The following MYRFL variants were observed in gnomAD, a reference collection of about 807,000 sequenced individuals.
The protein encoded by MYRFL is myelin regulatory factor-like protein.
Under a neutral mutation model 109.4 loss-of-function variants are expected in MYRFL, and 88 were observed. The ratio of observed to expected loss-of-function variants is 0.80; its 90% CI spans 0.68 to 0.96. The LOEUF (loss-of-function observed/expected upper bound fraction) is 0.96. Among genes scored for constraint, MYRFL ranks in the 40% least tolerant of loss-of-function variants. The pLI is 0.00. For missense variants in MYRFL, 957 were observed against 954.9 expected, an observed-to-expected ratio of 1.00 and a Z score of -0.03; for synonymous variants, 324 against 320.9, an observed-to-expected ratio of 1.01 and a Z score of -0.10.
rs1406322833 is a variant in MYRFL, at chr12:69,936,715, A to T, written c.2224+83A>T. The T allele has an allele frequency of 3.2e-6, 4 of 1,239,536 alleles. No homozygotes were observed. The Admixed American group carries it at 1.2e-4, about 39-fold the overall frequency. The allele number at this position is 1,239,536 out of a possible 1,614,324, so 76.8% of individuals were successfully genotyped here. A position where few individuals can be genotyped will look rare whatever the true frequency, so the allele number is the denominator to read the frequency against. On this transcript the variant is annotated intron_variant, in intron 19 of 24. Coordinates refer to ENST00000552032, the MANE Select transcript of MYRFL (RefSeq NM_182530.3). ...TCACAATTTACTTAGATGGTCATTA[A>T]TGGTTCCAGATAATGGTTCCATGCT...
intron 1 of MYRFL, among the ~76,000 whole-genome samples, chr12:69,853,313 C>G (rs1013240591): frequency 7.2e-5 from 11 of 152,056 alleles, no homozygotes; most frequent in South Asian, 2.1e-4. Flanking sequence ...TCCTCACTTC[C>G]CGGACGGGGT....
chr12:69,834,774 T>G (rs1231198761), intron 1 of MYRFL, among the ~76,000 whole-genome samples: 5 of 152,214 alleles, frequency 3.3e-5, no homozygotes, highest in Admixed American at 6.5e-5. Flanking sequence ...TTTATAATCA[T>G]AAAATCCATT....
intron 19 of MYRFL, among the ~76,000 whole-genome samples, chr12:69,943,237 C>T (rs1243721591): frequency 6.6e-6 from 1 of 151,268 alleles, no homozygotes; most frequent in Non-Finnish European, 1.5e-5. Flanking sequence ...TAATCCTAAG[C>T]CAAAAGAACA....
chr12:69,854,234 A>G (rs1351266351), intron 1 of MYRFL, among the ~76,000 whole-genome samples: 2 of 151,840 alleles, frequency 1.3e-5, no homozygotes, highest in Admixed American at 1.3e-4. Context: ...AATCTCAGGC[A>G]CTCGGCAGGC....
chr12:69,934,590 A>G lies in MYRFL; in HGVS notation c.1917-1523A>G, dbSNP rs560092059. ...CAGCGTCTGAGAAGAATGAGGTCAC[A>G]CTGATGATTGATTGAAGAGTGATGA... On this transcript the variant is annotated intron_variant, in intron 16 of 24. Transcript: ENST00000552032. Among the ~76,000 whole-genome samples the G allele has an allele frequency of 3.3e-5, 5 of 152,274 alleles. No homozygotes were observed. In the East Asian group the frequency reaches 7.7e-4, roughly 24 times the overall value.
chr12:69,936,724 G>A, intron 19 of MYRFL, 92 bp downstream of exon 19: 2 of 1,179,952 alleles, frequency 1.7e-6, no homozygotes, highest in Non-Finnish European at 2.3e-6. Context: ...AATGGTTCCA[G>A]ATAATGGTTC....
chr12:69,880,290 C>T lies in MYRFL; in HGVS notation c.554C>T (p.Pro185Leu), dbSNP rs1030864191. ...CGAGTGTGGGCCTGCCACTGCAGAC[C>T]GAGTGAGCAAACCTGGGTGGGAACA... ...ECRVWACHCR[P>L]MTSRSRSSEV... The change falls in exon 5 of 25, where the codon CCG becomes CTG. Residue 185 changes from proline (P) to leucine (L), a missense_variant and splice_region_variant. Pro to Leu is a moderately conservative substitution (Grantham distance 98). Transcript: ENST00000552032. 1.7e-5 allele frequency: 12 copies of T among 702,332 alleles called. No homozygotes were observed. Among genetic ancestry groups the T allele is most frequent in the Non-Finnish European group, 2.1e-5 (8 of 384,696 alleles). 43.5% of individuals were successfully genotyped at this position (702,332 alleles called of 1,614,324 possible).
intron 19 of MYRFL, among the ~76,000 whole-genome samples, chr12:69,946,365 A>G (rs1955840685): frequency 6.6e-6 from 1 of 152,202 alleles, no homozygotes; most frequent in Non-Finnish European, 1.5e-5. Flanking sequence ...GAAAAATGGA[A>G]AGAATTCAAA....
At chr12:69,895,591 G>T in intron 9 of MYRFL, 110 bp downstream of exon 9, 1 of 720,740 alleles carries the variant, frequency 1.4e-6, no homozygotes, top group South Asian at 1.8e-5. Context: ...AGAACACAGG[G>T]CCTCTAAGCC....
At chr12:69,935,979 C>G in intron 16 of MYRFL, 134 bp from the exon 17 acceptor site, 4 of 1,055,828 alleles carry the variant, frequency 3.8e-6, no homozygotes, top group Non-Finnish European at 4.0e-6. Context: ...CAGCCGTGGC[C>G]ATCCCCTCCC....
intron 13 of MYRFL, among the ~76,000 whole-genome samples, chr12:69,919,412 A>T (rs955880609): frequency 6.6e-6 from 1 of 152,216 alleles, no homozygotes; most frequent in Non-Finnish European, 1.5e-5. Context: ...ATTGCACACA[A>T]TTTTAAACAC....
chr12:69,835,267 G>A (rs756616041), intron 1 of MYRFL, among the ~76,000 whole-genome samples: 4 of 152,164 alleles, frequency 2.6e-5, no homozygotes, highest in African/African-American at 7.2e-5. Context: ...CCTTGGCAGG[G>A]TTTGGGGAAG....
At chr12:69,861,908 C>T (rs1884700634) in intron 2 of MYRFL, among the ~76,000 whole-genome samples, 1 of 151,868 alleles carries the variant, frequency 6.6e-6, no homozygotes, top group Non-Finnish European at 1.5e-5. Flanking sequence ...TTTAATCCAT[C>T]TTGAATTAAT....
At chr12:69,844,784 CT>C (rs1883432555) in intron 1 of MYRFL, among the ~76,000 whole-genome samples, 1 of 152,138 alleles carries the variant, frequency 6.6e-6, no homozygotes, top group Non-Finnish European at 1.5e-5. Flanking sequence ...AGTGCTTGTT[CT>C]TTTGCTTGGC....
At chr12:69,908,339 A>G (rs1157684610) in intron 11 of MYRFL, among the ~76,000 whole-genome samples, 1 of 152,208 alleles carries the variant, frequency 6.6e-6, no homozygotes, top group African/African-American at 2.4e-5. Context: ...GCTATGAAGG[A>G]GAACTGGTGC....
chr12:69,890,380 T>C (rs1051428151), intron 6 of MYRFL, among the ~76,000 whole-genome samples: 2 of 152,108 alleles, frequency 1.3e-5, no homozygotes, highest in African/African-American at 4.8e-5. Context: ...AAATTAAAAG[T>C]CTAAAAAACA....
chr12:69,936,290 A>G lies in MYRFL; in HGVS notation c.1999A>G (p.Thr667Ala). Residue 667 changes from threonine to alanine, a missense_variant, in exon 18 of 25, where the codon ACA becomes GCA. Thr to Ala is a moderately conservative substitution (Grantham distance 58). Coordinates refer to ENST00000552032, the MANE Select transcript of MYRFL (RefSeq NM_182530.3). ...RVPNLPPSNI[T>A]SSQEPALLPT... ...TTCATTCTTTTTCTCCAGCAATATC[A>G]CAAGCTCACAGGAGCCAGCTCTGCT... 6.5e-7 allele frequency: 1 copy of G among 1,535,966 alleles called. No homozygotes were observed. Among genetic ancestry groups the G allele is most frequent in the Non-Finnish European group, 8.7e-7 (1 of 1,146,886 alleles).
chr12:69,854,465 C>T (rs1207225962), intron 1 of MYRFL, among the ~76,000 whole-genome samples: 1 of 151,534 alleles, frequency 6.6e-6, no homozygotes, highest in Non-Finnish European at 1.5e-5. Flanking sequence ...CTCACTGCAA[C>T]CTTTGCCTCC....
intron 5 of MYRFL, 34 bp from the exon 6 acceptor site, chr12:69,886,786 G>A (rs1381382392): frequency 3.1e-5 from 48 of 1,534,038 alleles, no homozygotes; most frequent in Non-Finnish European, 4.2e-5. Flanking sequence ...AAACAGCCTG[G>A]AAGGAAGGCT....
Sources: gnomAD v4.1 joint callset for allele counts (sites outside exome capture counted in the v4.1 genomes callset) on GRCh38, gnomAD v4.1.1 for gene constraint, MANE v1.5 for transcripts, NCBI Gene and HGNC (gene_info 2026-07-23, HGNC 2026-07-21) for gene names.